The following TTC29 variants were observed in gnomAD, a reference collection of about 807,000 sequenced individuals.
The protein encoded by TTC29 is tetratricopeptide repeat protein 29.
In TTC29, 49 loss-of-function variants were observed where a neutral mutation model predicts 58.1. That is an observed-to-expected ratio of 0.84 (90% CI 0.67 to 1.07). The LOEUF (loss-of-function observed/expected upper bound fraction) is 1.07. Ranked by LOEUF, TTC29 falls within the 50% of genes least tolerant of loss-of-function variation. TTC29 has a pLI of 0.00. For missense variants in TTC29, 582 were observed against 555.6 expected, an observed-to-expected ratio of 1.05 and a Z score of -0.48; for synonymous variants, 209 against 196.8, an observed-to-expected ratio of 1.06 and a Z score of -0.52.
At chr4:146,718,860 A>C (rs909227281) in intron 11 of TTC29, among the ~76,000 whole-genome samples, 1 of 152,154 alleles carries the variant, frequency 6.6e-6, no homozygotes, top group African/African-American at 2.4e-5. Flanking sequence ...TTAAGTCTTC[A>C]ATTCATTTTG....
intron 8 of TTC29, among the ~76,000 whole-genome samples, chr4:146,847,337 AAAC>A (rs1729238192): frequency 6.6e-6 from 1 of 152,204 alleles, no homozygotes; most frequent in Non-Finnish European, 1.5e-5. Flanking sequence ...GCCTGACAAT[AAAC>A]AACAGTTTAG....
At chr4:146,781,821 A>C (rs1748629742) in intron 11 of TTC29, among the ~76,000 whole-genome samples, 1 of 151,982 alleles carries the variant, frequency 6.6e-6, no homozygotes, top group Non-Finnish European at 1.5e-5. Context: ...AGCTGTGCAC[A>C]TGGAGTGCCT....
At chr4:146,942,053 C>G (rs1163027677) in intron 2 of TTC29, among the ~76,000 whole-genome samples, 2 of 152,166 alleles carry the variant, frequency 1.3e-5, no homozygotes, top group Non-Finnish European at 2.9e-5. Flanking sequence ...TAGAAATAGA[C>G]AGCTTTGTGT....
At chr4:146,901,043 G>C (rs1332232920) in intron 6 of TTC29, among the ~76,000 whole-genome samples, 1 of 151,828 alleles carries the variant, frequency 6.6e-6, no homozygotes, top group African/African-American at 2.4e-5. Context: ...CTTTTGGTGG[G>C]GGGGTCAGTA....
rs193255123 is a variant in TTC29 at position 146,864,240 on chromosome 4, G to C, written c.885+3258C>G. On this transcript the variant is annotated intron_variant, in intron 8 of 12. Coordinates refer to ENST00000325106, the MANE Select transcript of TTC29 (RefSeq NM_031956.4). The stretch of plus-strand genomic sequence containing the variant: ...TTCCCTACCCCCGAAAACAACACCA[G>C]CATCCACCCAGTTCCACAGCCAGGA... Among the ~76,000 whole-genome samples the C allele has an allele frequency of 3.2e-3, 485 of 151,860 alleles. 1 individual carries two copies. The highest frequency in any genetic ancestry group is 5.6e-3 in the Non-Finnish European group (381 of 67,984).
intron 3 of TTC29, among the ~76,000 whole-genome samples, chr4:146,939,438 G>C (rs940627272): frequency 6.6e-6 from 1 of 152,144 alleles, no homozygotes; most frequent in African/African-American, 2.4e-5. Context: ...CTAGGTGACA[G>C]AGTAAGACTC....
intron 11 of TTC29, among the ~76,000 whole-genome samples, chr4:146,786,599 T>C (rs1026628330): frequency 6.6e-6 from 1 of 152,158 alleles, no homozygotes; most frequent in African/African-American, 2.4e-5. Context: ...GAAATCGTAA[T>C]TGGTTCCACA....
At chr4:146,925,840 A>G (rs1734896450) in intron 4 of TTC29, among the ~76,000 whole-genome samples, 1 of 152,152 alleles carries the variant, frequency 6.6e-6, no homozygotes, top group Non-Finnish European at 1.5e-5. Context: ...AAATACTGGA[A>G]AAGTCTGAAA....
intron 11 of TTC29, among the ~76,000 whole-genome samples, chr4:146,744,685 T>C (rs763277032): frequency 5.1e-4 from 77 of 152,254 alleles, no homozygotes; most frequent in Non-Finnish European, 8.4e-4. Flanking sequence ...ACAGGTGTTG[T>C]ATATGCCTCT....
chr4:146,893,087 T>C (rs1732496143), intron 6 of TTC29, among the ~76,000 whole-genome samples: 1 of 152,096 alleles, frequency 6.6e-6, no homozygotes, highest in Admixed American at 6.6e-5. Flanking sequence ...ATCAATATCG[T>C]GAAAATGGCC....
At chr4:146,750,102 G>GGTTCACGCCATTCTCCTGC (rs1386450927) in intron 11 of TTC29, among the ~76,000 whole-genome samples, 1 of 152,036 alleles carries the variant, frequency 6.6e-6, no homozygotes, top group Non-Finnish European at 1.5e-5. Context: ...CTGCCTCCTG[G>GGTTCACGCCATTCTCCTGC]GTTCACGCCA....
At chr4:146,910,085 C>T (rs1733796026) in intron 4 of TTC29, among the ~76,000 whole-genome samples, 1 of 151,736 alleles carries the variant, frequency 6.6e-6, no homozygotes, top group Non-Finnish European at 1.5e-5. Context: ...AAAGATATAG[C>T]TTTATACTAA....
At chr4:146,899,374 A>T (rs983099201) in intron 6 of TTC29, among the ~76,000 whole-genome samples, 4 of 152,208 alleles carry the variant, frequency 2.6e-5, no homozygotes, top group African/African-American at 9.6e-5. Context: ...CCACAGACAC[A>T]GTGAGAATGC....
At chr4:146,882,114 A>C (rs1252886077) in intron 6 of TTC29, among the ~76,000 whole-genome samples, 2 of 152,112 alleles carry the variant, frequency 1.3e-5, no homozygotes, top group African/African-American at 4.8e-5. Flanking sequence ...GATGGAAATA[A>C]AAGTTCATTT....
At chr4:146,887,797 A>C (rs1301224291) in intron 6 of TTC29, among the ~76,000 whole-genome samples, 1 of 152,096 alleles carries the variant, frequency 6.6e-6, no homozygotes, top group Non-Finnish European at 1.5e-5. Context: ...CTCTTCTTGG[A>C]CATCAATTTT....
chr4:146,760,646 A>C (rs1242175640), intron 11 of TTC29, among the ~76,000 whole-genome samples: 1 of 151,700 alleles, frequency 6.6e-6, no homozygotes, highest in East Asian at 1.9e-4. Context: ...ACTTCGAGCC[A>C]ACTGATCTTT....
chr4:146,873,353 T>G (rs1480990741), intron 7 of TTC29, among the ~76,000 whole-genome samples: 3 of 152,122 alleles, frequency 2.0e-5, no homozygotes, highest in Non-Finnish European at 4.4e-5. Flanking sequence ...GGGACAAATA[T>G]TTTTTGGTTT....
At chr4:146,749,594 G>A (rs1285608170) in intron 11 of TTC29, among the ~76,000 whole-genome samples, 1 of 152,072 alleles carries the variant, frequency 6.6e-6, no homozygotes, top group Non-Finnish European at 1.5e-5. Flanking sequence ...GAGAAGAGGA[G>A]ACAGAGAAAG....
intron 11 of TTC29, among the ~76,000 whole-genome samples, chr4:146,708,355 T>TATATAC (rs1197518357): frequency 1.0e-3 from 20 of 19,884 alleles, no homozygotes; most frequent in Middle Eastern, 0.042. Flanking sequence ...TATATATATA[T>TATATAC]ACACATGTAT....
Sources: allele counts gnomAD v4.1 joint callset (sites outside exome capture counted in the v4.1 genomes callset), GRCh38; gene constraint gnomAD v4.1.1; transcripts MANE v1.5; gene names NCBI Gene and HGNC (gene_info 2026-07-23, HGNC 2026-07-21).